The following SLIT3 variants were observed in gnomAD, a reference collection of about 807,000 sequenced individuals.
SLIT3 encodes the protein slit homolog 3 protein.
SLIT3 carries 68 observed loss-of-function variants against 184.0 expected under a neutral mutation model. That is an observed-to-expected ratio of 0.37 (90% CI 0.30 to 0.45). SLIT3 has a LOEUF of 0.45. Among genes scored for constraint, SLIT3 ranks in the 20% least tolerant of loss-of-function variants. The pLI, the probability that SLIT3 is intolerant of heterozygous loss-of-function variation, is 1.00. For missense variants in SLIT3, 1,707 were observed against 2,026.0 expected (o/e 0.84, Z 3.02); for synonymous variants, 831 against 828.6 (o/e 1.00, Z -0.05).
At chr5:168,703,596 C>T (rs1023224414) in intron 26 of SLIT3, among the ~76,000 whole-genome samples, 1 of 152,010 alleles carries the variant, frequency 6.6e-6, no homozygotes, top group East Asian at 1.9e-4. Flanking sequence ...ACCCTAGTTC[C>T]GTGGAAAAAC....
chr5:168,690,845 C>A (rs1761886393), intron 29 of SLIT3, among the ~76,000 whole-genome samples: 1 of 152,118 alleles, frequency 6.6e-6, no homozygotes, highest in African/African-American at 2.4e-5. Context: ...GAGATCTAGG[C>A]TTGTGATGTG....
intron 32 of SLIT3, among the ~76,000 whole-genome samples, chr5:168,679,642 G>A (rs1229575737): frequency 6.6e-6 from 1 of 152,108 alleles, no homozygotes; most frequent in African/African-American, 2.4e-5. Flanking sequence ...CCACTAGGTG[G>A]CGATAGAGCC....
intron 4 of SLIT3, among the ~76,000 whole-genome samples, chr5:169,001,307 C>T (rs1755695798): frequency 6.6e-6 from 1 of 152,150 alleles, no homozygotes; most frequent in African/African-American, 2.4e-5. Flanking sequence ...TCAAACCACC[C>T]CCACATATTA....
chr5:169,263,970 GTT>G (rs150860325), intron 1 of SLIT3, among the ~76,000 whole-genome samples: 25 of 141,802 alleles, frequency 1.8e-4, no homozygotes, highest in Non-Finnish European at 1.2e-4. Context: ...GAGAAACGGG[GTT>G]TTTTTTTTTT....
intron 4 of SLIT3, among the ~76,000 whole-genome samples, chr5:169,163,001 G>A (rs1369806569): frequency 6.6e-6 from 1 of 152,098 alleles, no homozygotes; most frequent in African/African-American, 2.4e-5. Context: ...ATAACAGACA[G>A]GAGGGAGAAG....
intron 4 of SLIT3, among the ~76,000 whole-genome samples, chr5:168,884,423 T>TCACACA (rs369129500): frequency 0.23 from 31,591 of 137,592 alleles, 3,682 homozygotes; most frequent in Admixed American, 0.28. Flanking sequence ...TCTCTCTCTC[T>TCACACA]CTCTCACACA....
intron 4 of SLIT3, among the ~76,000 whole-genome samples, chr5:169,063,386 C>T (rs1375017108): frequency 6.6e-6 from 1 of 152,222 alleles, no homozygotes; most frequent in Non-Finnish European, 1.5e-5. Context: ...ATTCAGCATT[C>T]CTTCTCTTAA....
At chr5:169,272,851 C>T (rs1190493166) in intron 1 of SLIT3, among the ~76,000 whole-genome samples, 1 of 152,176 alleles carries the variant, frequency 6.6e-6, no homozygotes, top group Non-Finnish European at 1.5e-5. Context: ...GCTGAGTGCA[C>T]ACGCGCAAGC....
intron 1 of SLIT3, among the ~76,000 whole-genome samples, chr5:169,269,931 T>C (rs920819124): frequency 7.2e-5 from 11 of 152,240 alleles, no homozygotes; most frequent in African/African-American, 2.7e-4. Flanking sequence ...GGTGGGGACA[T>C]TCCATTTATC....
At chr5:168,757,454 G>A (rs1754987914) in intron 16 of SLIT3, among the ~76,000 whole-genome samples, 6 of 152,100 alleles carry the variant, frequency 3.9e-5, no homozygotes, top group Admixed American at 3.9e-4. Context: ...GTTTTTTTGA[G>A]ACGGAGTCTC....
At chr5:169,246,076 C>T (rs1326507795) in intron 2 of SLIT3, among the ~76,000 whole-genome samples, 1 of 152,188 alleles carries the variant, frequency 6.6e-6, no homozygotes, top group Non-Finnish European at 1.5e-5. Context: ...TGATATTTTA[C>T]ATTTTTGTGA....
intron 4 of SLIT3, among the ~76,000 whole-genome samples, chr5:169,082,739 A>T (rs928115622): frequency 1.3e-5 from 2 of 152,230 alleles, no homozygotes; most frequent in East Asian, 3.8e-4. Context: ...GTAGATGAAG[A>T]TGTGATGTTG....
intron 1 of SLIT3, among the ~76,000 whole-genome samples, chr5:169,261,748 C>T (rs1766193470): frequency 6.6e-6 from 1 of 152,188 alleles, no homozygotes; most frequent in African/African-American, 2.4e-5. Context: ...ACCTTCCCCT[C>T]TCCTTGAGTG....
chr5:168,820,437 A>G (rs1329761740), intron 7 of SLIT3, among the ~76,000 whole-genome samples: 1 of 152,188 alleles, frequency 6.6e-6, no homozygotes, highest in Non-Finnish European at 1.5e-5. Context: ...TCAAATGGGG[A>G]TATTAGTGAT....
intron 4 of SLIT3, among the ~76,000 whole-genome samples, chr5:169,097,134 C>T (rs984969057): frequency 1.9e-4 from 29 of 152,174 alleles, no homozygotes; most frequent in Non-Finnish European, 7.3e-5. Flanking sequence ...CTTGTTAGGA[C>T]CCATGAGGCT....
At chr5:169,078,077 G>A (rs1340404239) in intron 4 of SLIT3, among the ~76,000 whole-genome samples, 1 of 151,996 alleles carries the variant, frequency 6.6e-6, no homozygotes, top group Non-Finnish European at 1.5e-5. Context: ...GCATGATCTG[G>A]GGCCTTGTGT....
intron 5 of SLIT3, among the ~76,000 whole-genome samples, chr5:168,861,402 C>A (rs1407011320): frequency 8.2e-6 from 1 of 121,502 alleles, no homozygotes; most frequent in African/African-American, 3.1e-5. Flanking sequence ...CCAACCCCTG[C>A]CCCCCGCCCC....
chr5:168,979,168 C>T (rs1581264063), intron 4 of SLIT3, among the ~76,000 whole-genome samples: 1 of 152,334 alleles, frequency 6.6e-6, no homozygotes, highest in East Asian at 1.9e-4. Context: ...AAGGGGCCCA[C>T]ATGTCAAAGA....
intron 4 of SLIT3, among the ~76,000 whole-genome samples, chr5:168,968,240 T>G (rs1394188175): frequency 6.6e-6 from 1 of 152,180 alleles, no homozygotes; most frequent in Non-Finnish European, 1.5e-5. Flanking sequence ...TCTCCTCCCA[T>G]GCCCTTGCTT....
Sources: allele counts gnomAD v4.1 joint callset (sites outside exome capture counted in the v4.1 genomes callset), GRCh38; gene constraint gnomAD v4.1.1; transcripts MANE v1.5; gene names NCBI Gene and HGNC (gene_info 2026-07-23, HGNC 2026-07-21).